NRXN3: variants seen among roughly 807,000 people sequenced by gnomAD.
NRXN3 encodes the protein neurexin III.
In NRXN3, 32 loss-of-function variants were observed where a neutral mutation model predicts 137.6. The observed-to-expected ratio is 0.23, with a 90% confidence interval of 0.18 to 0.31. The LOEUF is 0.31. Among genes scored for constraint, NRXN3 ranks in the 10% least tolerant of loss-of-function variants. The pLI, the probability that NRXN3 is intolerant of heterozygous loss-of-function variation, is 1.00. For synonymous variants in NRXN3, 798 were observed against 784.5 expected (o/e 1.02, Z -0.29); for missense variants, 1,574 against 2,062.5 (o/e 0.76, Z 4.59).
chr14:78,250,213 C>T, intron 2 of NRXN3: 1 of 387,910 alleles, frequency 2.6e-6, no homozygotes, highest in Non-Finnish European at 5.1e-6. Context: ...TGTCAACCAC[C>T]ATGCTATCTT....
At chr14:79,433,422 G>C (rs897985037) in intron 15 of NRXN3, among the ~76,000 whole-genome samples, 1 of 152,064 alleles carries the variant, frequency 6.6e-6, no homozygotes, top group Non-Finnish European at 1.5e-5. Flanking sequence ...ATGCCGAAAG[G>C]TTTTGCCCCT....
intron 15 of NRXN3, among the ~76,000 whole-genome samples, chr14:79,441,615 C>T (rs1371720464): frequency 6.6e-6 from 1 of 151,684 alleles, no homozygotes. Context: ...CTCCTGACCT[C>T]GTGATCTGCC....
chr14:79,506,640 A>T (rs1471895784), intron 16 of NRXN3, among the ~76,000 whole-genome samples: 1 of 152,048 alleles, frequency 6.6e-6, no homozygotes, highest in East Asian at 1.9e-4. Context: ...CTACTATTCT[A>T]TCTAACTTAG....
At chr14:78,220,367 CG>C (rs1435735402) in intron 1 of NRXN3, among the ~76,000 whole-genome samples, 1 of 151,858 alleles carries the variant, frequency 6.6e-6, no homozygotes, top group African/African-American at 2.4e-5. Context: ...GGGAGGCACC[CG>C]AACATGCCAG....
intron 16 of NRXN3, among the ~76,000 whole-genome samples, chr14:79,631,360 C>T (rs191663508): frequency 2.9e-4 from 44 of 152,386 alleles, no homozygotes; most frequent in South Asian, 1.2e-3. Flanking sequence ...GCTCTGGCTG[C>T]GCTGGAAGAG....
intron 8 of NRXN3, among the ~76,000 whole-genome samples, chr14:78,749,724 G>C (rs1039755781): frequency 3.9e-5 from 6 of 152,186 alleles, no homozygotes; most frequent in Admixed American, 2.6e-4. Context: ...ATCCAACTCT[G>C]TCCCTCTGGG....
intron 1 of NRXN3, among the ~76,000 whole-genome samples, chr14:78,177,197 GA>G (rs1484148985): frequency 6.6e-6 from 1 of 152,160 alleles, no homozygotes; most frequent in Non-Finnish European, 1.5e-5. Flanking sequence ...CTCACGAAGG[GA>G]AGCATGAATC....
chr14:79,347,116 T>A (rs1384760711), intron 15 of NRXN3, among the ~76,000 whole-genome samples: 1 of 152,156 alleles, frequency 6.6e-6, no homozygotes, highest in African/African-American at 2.4e-5. Context: ...TGGCCATGCT[T>A]GTCCCCCCAC....
At chr14:79,158,954 C>T (rs555145739) in intron 15 of NRXN3, among the ~76,000 whole-genome samples, 80 of 151,880 alleles carry the variant, frequency 5.3e-4, no homozygotes, top group African/African-American at 1.8e-3. Context: ...CAAAATTGCT[C>T]GTGTTTGATG....
intron 10 of NRXN3, among the ~76,000 whole-genome samples, chr14:78,853,923 T>G (rs1457651882): frequency 1.3e-5 from 2 of 152,306 alleles, no homozygotes; most frequent in Middle Eastern, 3.4e-3. Flanking sequence ...TTTGTATTCT[T>G]AAAGCATTAC....
intron 16 of NRXN3, among the ~76,000 whole-genome samples, chr14:79,515,928 C>G (rs532182374): frequency 1.3e-5 from 2 of 152,140 alleles, no homozygotes; most frequent in South Asian, 4.1e-4. Flanking sequence ...TCAGGGCCCA[C>G]AAACTCAAAG....
At chr14:79,034,733 CTG>C (rs1555681908) in intron 15 of NRXN3, among the ~76,000 whole-genome samples, 1 of 151,952 alleles carries the variant, frequency 6.6e-6, no homozygotes, top group Non-Finnish European at 1.5e-5. Flanking sequence ...ATTTTGATAA[CTG>C]AGAGTTTAAA....
chr14:79,717,817 C>T (rs2098828722), intron 19 of NRXN3, among the ~76,000 whole-genome samples: 1 of 152,082 alleles, frequency 6.6e-6, no homozygotes, highest in Non-Finnish European at 1.5e-5. Flanking sequence ...AAACCTTTGC[C>T]TATAAAATGA....
chr14:78,548,968 A>G (rs1226168542), intron 4 of NRXN3, among the ~76,000 whole-genome samples: 1 of 152,190 alleles, frequency 6.6e-6, no homozygotes, highest in Non-Finnish European at 1.5e-5. Context: ...TCCCTGTGAC[A>G]TCTGCCCCAA....
chr14:78,899,956 CT>C (rs1196483605), intron 10 of NRXN3, among the ~76,000 whole-genome samples: 13 of 151,558 alleles, frequency 8.6e-5, no homozygotes, highest in South Asian at 2.1e-4. Flanking sequence ...TTTTCTCTTC[CT>C]TCTGGTCTTC....
intron 15 of NRXN3, among the ~76,000 whole-genome samples, chr14:79,212,310 T>G (rs2067795378): frequency 6.6e-6 from 1 of 152,198 alleles, no homozygotes; most frequent in Non-Finnish European, 1.5e-5. Flanking sequence ...CTAGGCTTCT[T>G]TGGAGAAAGA....
chr14:79,800,942 A>T (rs1417063882), intron 19 of NRXN3, among the ~76,000 whole-genome samples: 1 of 152,210 alleles, frequency 6.6e-6, no homozygotes, highest in Non-Finnish European at 1.5e-5. Context: ...GTTTCAAAAA[A>T]GTCTAAGTGT....
intron 10 of NRXN3, among the ~76,000 whole-genome samples, chr14:78,900,286 A>C (rs2099191381): frequency 6.6e-6 from 1 of 151,882 alleles, no homozygotes; most frequent in African/African-American, 2.4e-5. Flanking sequence ...CAGGACCAAA[A>C]TGCCTGCGTT....
chr14:79,013,467 T>G (rs188262374), intron 15 of NRXN3, among the ~76,000 whole-genome samples: 26 of 152,270 alleles, frequency 1.7e-4, no homozygotes, highest in Admixed American at 1.0e-3. Context: ...CCACTTTACT[T>G]TCTGTGGGTA....
Sources: allele counts gnomAD v4.1 joint callset (sites outside exome capture counted in the v4.1 genomes callset), GRCh38; gene constraint gnomAD v4.1.1; transcripts MANE v1.5; gene names NCBI Gene and HGNC (gene_info 2026-07-23, HGNC 2026-07-21).